Variants in UNC5D observed in about 807,000 individuals in gnomAD.
UNC5D encodes unc-5 netrin receptor D, also known as netrin receptor UNC5D.
UNC5D carries 39 observed loss-of-function variants against 105.4 expected under a neutral mutation model. That is an observed-to-expected ratio of 0.37 (90% CI 0.29 to 0.48). The LOEUF (loss-of-function observed/expected upper bound fraction) is 0.48, where lower values mean the gene tolerates loss of function less well. Ranked by LOEUF, UNC5D falls within the 20% of genes least tolerant of loss-of-function variation. The pLI, the probability that UNC5D is intolerant of heterozygous loss-of-function variation, is 0.98. For synonymous variants in UNC5D, 452 were observed against 450.4 expected (o/e 1.00, Z -0.04); for missense variants, 991 against 1,202.4 (o/e 0.82, Z 2.60).
chr8:35,428,027 A>C (rs1194233190), intron 1 of UNC5D, among the ~76,000 whole-genome samples: 1 of 152,184 alleles, frequency 6.6e-6, no homozygotes, highest in Non-Finnish European at 1.5e-5. Context: ...AATATTTGAT[A>C]AAGATAAAGG....
intron 1 of UNC5D, among the ~76,000 whole-genome samples, chr8:35,524,080 T>A: frequency 1.1e-4 from 1 of 9,270 alleles, no homozygotes; most frequent in Middle Eastern, 0.01. Flanking sequence ...CCCAAGTTTT[T>A]CCTGGGCTAG....
chr8:35,377,456 G>C (rs1241146632), intron 1 of UNC5D, among the ~76,000 whole-genome samples: 3 of 152,150 alleles, frequency 2.0e-5, no homozygotes, highest in Non-Finnish European at 4.4e-5. Flanking sequence ...TGCAGGGCCC[G>C]GGATTGGGGT....
chr8:35,591,198 G>T (rs1046376309), intron 3 of UNC5D, among the ~76,000 whole-genome samples: 2 of 151,442 alleles, frequency 1.3e-5, no homozygotes, highest in African/African-American at 4.9e-5. Flanking sequence ...TTGTTGTTAG[G>T]TTACTCATGA....
chr8:35,316,911 T>C (rs148781424), intron 1 of UNC5D, among the ~76,000 whole-genome samples: 4 of 152,220 alleles, frequency 2.6e-5, no homozygotes, highest in African/African-American at 9.6e-5. Flanking sequence ...AAAGCAACCA[T>C]GACAGTAGCA....
intron 4 of UNC5D, among the ~76,000 whole-genome samples, chr8:35,608,431 T>A (rs1278490221): frequency 6.6e-6 from 1 of 152,216 alleles, no homozygotes; most frequent in Non-Finnish European, 1.5e-5. Flanking sequence ...AAAAATCTGA[T>A]CTGTATAAAT....
At chr8:35,548,977 C>T (rs1284327728) in intron 1 of UNC5D, among the ~76,000 whole-genome samples, 1 of 152,154 alleles carries the variant, frequency 6.6e-6, no homozygotes, top group Non-Finnish European at 1.5e-5. Flanking sequence ...TCACCAGAGC[C>T]TCTCACCTCA....
At chr8:35,529,401 G>T (rs1227298585) in intron 1 of UNC5D, among the ~76,000 whole-genome samples, 4 of 147,956 alleles carry the variant, frequency 2.7e-5, no homozygotes, top group Non-Finnish European at 5.9e-5. Flanking sequence ...CTGTTCCATT[G>T]ATCTATATCT....
intron 4 of UNC5D, among the ~76,000 whole-genome samples, chr8:35,649,552 C>G (rs539553147): frequency 3.9e-4 from 59 of 152,240 alleles, no homozygotes; most frequent in African/African-American, 1.4e-3. Flanking sequence ...CTTACTGGCT[C>G]CTTTTCAATC....
At chr8:35,364,245 A>G (rs1801995546) in intron 1 of UNC5D, among the ~76,000 whole-genome samples, 1 of 131,638 alleles carries the variant, frequency 7.6e-6, no homozygotes, top group Admixed American at 8.0e-5. Context: ...TGGTAAAGAC[A>G]TGCTTTCTCT....
intron 1 of UNC5D, among the ~76,000 whole-genome samples, chr8:35,367,983 G>C (rs72633596): frequency 0.15 from 22,322 of 152,038 alleles, 2,093 homozygotes; most frequent in Non-Finnish European, 0.22. Flanking sequence ...CAGGTTTCTT[G>C]TAAAGTATGC....
chr8:35,396,580 C>T (rs1804115573), intron 1 of UNC5D, among the ~76,000 whole-genome samples: 1 of 152,068 alleles, frequency 6.6e-6, no homozygotes, highest in East Asian at 1.9e-4. Context: ...TCACTGCAAC[C>T]TGTGTCTCCT....
At chr8:35,533,662 A>G (rs1186410433) in intron 1 of UNC5D, among the ~76,000 whole-genome samples, 2 of 152,062 alleles carry the variant, frequency 1.3e-5, no homozygotes, top group Non-Finnish European at 2.9e-5. Flanking sequence ...GCCACCTTGC[A>G]GTTTGATCTC....
chr8:35,719,141 TACACACACACACACACACACACACAC>T (rs57660135), intron 8 of UNC5D, among the ~76,000 whole-genome samples: 5 of 133,172 alleles, frequency 3.8e-5, no homozygotes, highest in African/African-American at 1.1e-4. Context: ...CATGTGCTTA[TACACACACACACACACACACACACAC>T]ACACACACAC....
chr8:35,242,624 T>G (rs1346149504), intron 1 of UNC5D, among the ~76,000 whole-genome samples: 1 of 152,114 alleles, frequency 6.6e-6, no homozygotes, highest in Non-Finnish European at 1.5e-5. Context: ...ATTACAGGCA[T>G]GCACCATTGT....
At chr8:35,440,207 A>C (rs896310745) in intron 1 of UNC5D, among the ~76,000 whole-genome samples, 2 of 151,930 alleles carry the variant, frequency 1.3e-5, no homozygotes, top group Non-Finnish European at 2.9e-5. Flanking sequence ...TAAGAAACTA[A>C]GCATGTCCAT....
chr8:35,603,033 GTC>G (rs1318097002), intron 4 of UNC5D, among the ~76,000 whole-genome samples: 1 of 151,972 alleles, frequency 6.6e-6, no homozygotes, highest in East Asian at 1.9e-4. Context: ...GGTTTTTTGT[GTC>G]TCTATTTCCT....
intron 4 of UNC5D, among the ~76,000 whole-genome samples, chr8:35,623,986 A>G (rs1821531561): frequency 6.6e-6 from 1 of 152,192 alleles, no homozygotes; most frequent in Non-Finnish European, 1.5e-5. Context: ...AGGCTGAGGC[A>G]GGAGAATGGC....
intron 1 of UNC5D, among the ~76,000 whole-genome samples, chr8:35,302,202 G>T (rs1009259776): frequency 2.0e-5 from 3 of 152,204 alleles, no homozygotes; most frequent in African/African-American, 7.2e-5. Context: ...AGTGGTGCCA[G>T]TGACTTTGAA....
intron 1 of UNC5D, among the ~76,000 whole-genome samples, chr8:35,429,677 A>G (rs1252813093): frequency 2.0e-5 from 3 of 152,146 alleles, no homozygotes; most frequent in East Asian, 3.9e-4. Flanking sequence ...ATGATAAACT[A>G]CATCAATTTA....
Sources: gnomAD v4.1 joint callset for allele counts (sites outside exome capture counted in the v4.1 genomes callset) on GRCh38, gnomAD v4.1.1 for gene constraint, MANE v1.5 for transcripts, NCBI Gene and HGNC (gene_info 2026-07-23, HGNC 2026-07-21) for gene names.